Variants in TCF12 observed in about 807,000 individuals in gnomAD.
TCF12 encodes DNA-binding protein HTF4.
In TCF12, 45 loss-of-function variants were observed where a neutral mutation model predicts 86.0. The ratio of observed to expected loss-of-function variants is 0.52; its 90% CI spans 0.41 to 0.67. The LOEUF is 0.67. TCF12 is among the 30% of genes least tolerant of loss of function. The pLI, the probability that TCF12 is intolerant of heterozygous loss-of-function variation, is 0.00. For synonymous variants in TCF12, 330 were observed against 299.6 expected, an observed-to-expected ratio of 1.10 and a Z score of -1.05; for missense variants, 881 against 859.9, an observed-to-expected ratio of 1.02 and a Z score of -0.31.
chr15:57,049,004 TTTC>T (rs1481234636), intron 3 of TCF12, among the ~76,000 whole-genome samples: 1 of 152,146 alleles, frequency 6.6e-6, no homozygotes, highest in Non-Finnish European at 1.5e-5. Flanking sequence ...CAAAGTTGCT[TTTC>T]AAGAGTTACC....
chr15:57,183,473 C>T (rs1020079124), intron 6 of TCF12, among the ~76,000 whole-genome samples: 10 of 152,070 alleles, frequency 6.6e-5, no homozygotes, highest in Non-Finnish European at 1.3e-4. Context: ...CATTTCTGCC[C>T]CTATTCTCTT....
At chr15:57,204,682 G>T (rs1038019734) in intron 8 of TCF12, among the ~76,000 whole-genome samples, 1 of 151,880 alleles carries the variant, frequency 6.6e-6, no homozygotes, top group Non-Finnish European at 1.5e-5. Flanking sequence ...ATAATCTAGC[G>T]TGCTGCTATA....
At chr15:57,006,014 A>G (rs1366710536) in intron 3 of TCF12, among the ~76,000 whole-genome samples, 3 of 152,072 alleles carry the variant, frequency 2.0e-5, no homozygotes, top group Non-Finnish European at 4.4e-5. Flanking sequence ...ATATATTGCT[A>G]TTACTTTTAT....
At chr15:57,277,594 A>G (rs536662938) in intron 19 of TCF12, among the ~76,000 whole-genome samples, 4 of 145,288 alleles carry the variant, frequency 2.8e-5, no homozygotes, top group Non-Finnish European at 6.0e-5. Context: ...GTGCCACTGC[A>G]CTCCAGCCTG....
At chr15:57,004,903 A>G (rs2585116) in intron 3 of TCF12, among the ~76,000 whole-genome samples, 34,143 of 152,174 alleles carry the variant, frequency 0.22, 3,896 homozygotes, top group Middle Eastern at 0.24. Context: ...TATGTTTTCA[A>G]GAAAATTTAG....
At chr15:57,075,835 T>A (rs1346670707) in intron 4 of TCF12, among the ~76,000 whole-genome samples, 2 of 49,994 alleles carry the variant, frequency 4.0e-5, no homozygotes, top group African/African-American at 1.9e-4. Context: ...TCTCTCTCTC[T>A]TTTCTTTCTT....
chr15:57,251,522 C>A, intron 14 of TCF12, 99 bp downstream of exon 14: 1 of 1,126,374 alleles, frequency 8.9e-7, no homozygotes, highest in Non-Finnish European at 1.3e-6. Flanking sequence ...GCTAGCATTG[C>A]ACATGAATTC....
chr15:57,078,937 G>A (rs752336796), intron 4 of TCF12, among the ~76,000 whole-genome samples: 5 of 152,138 alleles, frequency 3.3e-5, no homozygotes, highest in Non-Finnish European at 5.9e-5. Context: ...GAAAAGAAAG[G>A]TAATGCTGTG....
intron 12 of TCF12, among the ~76,000 whole-genome samples, chr15:57,242,113 A>G (rs747089729): frequency 3.9e-5 from 6 of 152,206 alleles, no homozygotes; most frequent in Non-Finnish European, 7.3e-5. Context: ...CTTTAAAAAC[A>G]ATGTTGAAAT....
At chr15:57,174,002 G>A (rs1372468075) in intron 6 of TCF12, among the ~76,000 whole-genome samples, 6 of 152,060 alleles carry the variant, frequency 3.9e-5, no homozygotes, top group East Asian at 1.9e-4. Flanking sequence ...CACTGCACCC[G>A]GCCTGTATAT....
upstream of TCF12, chr15:56,918,357 G>A (rs1213508439): frequency 9.5e-6 from 4 of 421,082 alleles, no homozygotes; most frequent in East Asian, 1.5e-4. Flanking sequence ...AGGCGCCACG[G>A]TACCTGCCAC....
At chr15:57,178,293 A>G (rs1311637562) in intron 6 of TCF12, among the ~76,000 whole-genome samples, 6 of 152,196 alleles carry the variant, frequency 3.9e-5, no homozygotes, top group Non-Finnish European at 8.8e-5. Context: ...GTATTATGAA[A>G]TGTTCTAAAC....
At chr15:57,110,069 A>G (rs902679671) in intron 5 of TCF12, among the ~76,000 whole-genome samples, 3 of 152,296 alleles carry the variant, frequency 2.0e-5, no homozygotes, top group African/African-American at 7.2e-5. Flanking sequence ...TGACTCCTAA[A>G]TTACCCAGCA....
chr15:57,246,603 T>C (rs935328), intron 13 of TCF12, among the ~76,000 whole-genome samples: 1 of 151,566 alleles, frequency 6.6e-6, no homozygotes, highest in Non-Finnish European at 1.5e-5. Flanking sequence ...AAATTCCCTA[T>C]TTTTTTATTC....
chr15:57,205,332 A>T (rs762956847), intron 8 of TCF12, among the ~76,000 whole-genome samples: 1 of 152,132 alleles, frequency 6.6e-6, no homozygotes, highest in Admixed American at 6.5e-5. Context: ...ACAAACAATT[A>T]TCCAAGGCCC....
intron 17 of TCF12, 31 bp downstream of exon 17, chr15:57,262,239 GCAGA>G: frequency 7.0e-7 from 1 of 1,435,042 alleles, no homozygotes; most frequent in Non-Finnish European, 9.7e-7. Context: ...CAGAAATAAT[GCAGA>G]CAGAGATATC....
intron 7 of TCF12, among the ~76,000 whole-genome samples, chr15:57,196,824 C>T (rs1445257609): frequency 6.6e-6 from 1 of 152,058 alleles, no homozygotes; most frequent in African/African-American, 2.4e-5. Context: ...GTGGTTATAG[C>T]CACATAATGT....
At chr15:57,251,984 A>G (rs2045270226) in intron 14 of TCF12, among the ~76,000 whole-genome samples, 1 of 152,204 alleles carries the variant, frequency 6.6e-6, no homozygotes, top group South Asian at 2.1e-4. Flanking sequence ...TAGATATTTG[A>G]GCGTGAAGAA....
At chr15:56,976,572 G>C (rs889866447) in intron 3 of TCF12, among the ~76,000 whole-genome samples, 1 of 151,936 alleles carries the variant, frequency 6.6e-6, no homozygotes, top group Non-Finnish European at 1.5e-5. Flanking sequence ...AAATTATAAT[G>C]TTACAAATTT....
Sources: gnomAD v4.1 joint callset for allele counts (sites outside exome capture counted in the v4.1 genomes callset) on GRCh38, gnomAD v4.1.1 for gene constraint, MANE v1.5 for transcripts, NCBI Gene and HGNC (gene_info 2026-07-23, HGNC 2026-07-21) for gene names.